SCYL1: variants seen among roughly 807,000 people sequenced by gnomAD.
SCYL1 encodes the protein N-terminal kinase-like protein.
In SCYL1, 85 loss-of-function variants were observed where a neutral mutation model predicts 94.8. That is an observed-to-expected ratio of 0.90 (90% CI 0.75 to 1.07). The LOEUF (loss-of-function observed/expected upper bound fraction) is 1.07. Ranked by LOEUF, SCYL1 falls within the 50% of genes least tolerant of loss-of-function variation. The probability of loss-of-function intolerance (pLI) is 0.00; values close to 1 mark genes in which losing one functional copy is unlikely to be tolerated. For synonymous variants in SCYL1, 459 were observed against 435.5 expected (o/e 1.05, Z -0.67); for missense variants, 968 against 1,083.3 (o/e 0.89, Z 1.49).
chr11:65,536,382 C>T, intron 12 of SCYL1, 48 bp downstream of exon 12: 1 of 1,589,510 alleles, frequency 6.3e-7, no homozygotes, highest in Non-Finnish European at 8.6e-7. Context: ...ATGTCCTTGA[C>T]TGTGACCTGT....
chr11:65,533,049 C>T, intron 9 of SCYL1: 1 of 502,908 alleles, frequency 2.0e-6, no homozygotes, highest in South Asian at 2.1e-5. Flanking sequence ...GCATGAGGTG[C>T]CCAGCCCCCT....
chr11:65,530,067 G>T (rs1450722700), intron 6 of SCYL1, among the ~76,000 whole-genome samples: 2 of 152,164 alleles, frequency 1.3e-5, no homozygotes, highest in African/African-American at 4.8e-5. Flanking sequence ...GAGCTTACAG[G>T]CTGGTCCATT....
chr11:65,525,316 C>T, intron 1 of SCYL1, 52 bp downstream of exon 1: 1 of 1,297,078 alleles, frequency 7.7e-7, no homozygotes. Context: ...CTTGCCTATT[C>T]CGCGCCGCCG....
rs1855052523 is a variant in SCYL1 at position 65,525,947 on chromosome 11, A to G, written c.279A>G (p.Thr93=). 5 of 1,613,626 alleles carry G rather than the reference A, an allele frequency of 3.1e-6. No homozygotes were observed. Among genetic ancestry groups the G allele is most frequent in the East Asian group, 2.2e-5 (1 of 44,886 alleles). The change falls in exon 3 of 18, where the codon ACA becomes ACG. Residue 93 remains threonine (T), a synonymous_variant. Coordinates refer to ENST00000270176, the MANE Select transcript of SCYL1 (RefSeq NM_020680.4). The stretch of plus-strand genomic sequence containing the variant: ...CAGAAAAATGCCTCCACGTCGTGAC[A>G]GAGGCTGTGACCCCGTTGGGAATAT... ...LETEKCLHVV[T]EAVTPLGIYL... is the part of the protein sequence containing the mutation.
Position 65,532,560 on chromosome 11 carries a change from T to TGGTGGCTCAG in SCYL1, c.1117-130_1117-121dup. 5.7e-6 allele frequency: 4 copies of TGGTGGCTCAG among 705,700 alleles called. No homozygotes were observed. In the South Asian group the frequency reaches 6.8e-5, roughly 12 times the overall value. The allele number at this position is 705,700 out of a possible 1,614,324, so 43.7% of individuals were successfully genotyped here. On this transcript the variant is annotated intron_variant, in intron 8 of 17. Transcript: ENST00000270176. ...CTGGGCCTGAGGCCAAACACCTGGG[T>TGGTGGCTCAG]GGTGGCTCAGGAGGTTGACCTGGCT...
Position 65,537,010 on chromosome 11 carries a change from C to G in SCYL1, c.1841C>G (p.Pro614Arg). 5.0e-6 allele frequency: 8 copies of G among 1,612,878 alleles called. No individual in the cohort carries two copies. Among genetic ancestry groups the G allele is most frequent in the Non-Finnish European group, 6.8e-6 (8 of 1,179,196 alleles). ...GGAGTTCCTGCCCCAGCCCCCACCC[C>G]TGTTCCTGCCACCCCTACAACCTCA... ...PEGVPAPAPT[P>R]VPATPTTSGH... Residue 614 changes from proline (P) to arginine (R), a missense_variant, in exon 14 of 18, where the codon CCT becomes CGT. By Grantham distance (103) the Pro-to-Arg change is moderately radical (BLOSUM62 -2). Around this residue, in one of 2 missense-constraint regions of SCYL1, gnomAD observed 474 missense variants for 463.6 expected, o/e 1.02. Transcript: ENST00000270176.
rs187422245 is a variant in SCYL1, at chr11:65,535,555, C to T, written c.1386+173C>T. On this transcript the variant is annotated intron_variant, in intron 10 of 17. Coordinates refer to ENST00000270176, the MANE Select transcript of SCYL1 (RefSeq NM_020680.4). The stretch of plus-strand genomic sequence containing the variant: ...GAGGAGTGAGTTGGCCGAAGTCACA[C>T]AGTCAGGAGGGATCTGGGATCTGAA... The T allele has an allele frequency of 3.1e-4, 232 of 753,850 alleles. 1 individual carries two copies. The African/African-American group carries it at 3.6e-3, about 12-fold the overall frequency. The allele number at this position is 753,850 out of a possible 1,614,324, so 46.7% of individuals were successfully genotyped here.
chr11:65,537,739 A>C, intron 14 of SCYL1, 70 bp from the exon 15 acceptor site: 2 of 1,350,924 alleles, frequency 1.5e-6, no homozygotes, highest in Non-Finnish European at 1.0e-6. Flanking sequence ...CGTGGCTGGG[A>C]TGATGCTGGG....
At position 65,535,944 on chromosome 11, in the gene SCYL1, C is replaced by G. The variant is rs1368485826; in HGVS notation, c.1387-9C>G. 6.4e-7 allele frequency: 1 copy of G among 1,564,988 alleles called. No individual in the cohort carries two copies. The highest frequency in any genetic ancestry group is 2.3e-5 in the East Asian group (1 of 44,438). ...ACACTCAGGAGCCCTCTTTCCTGCC[C>G]CATCGTAGACCAGACACAGGGTCCT... On this transcript the variant is annotated splice_polypyrimidine_tract_variant and intron_variant, in intron 10 of 17. Coordinates refer to ENST00000270176, the MANE Select transcript of SCYL1 (RefSeq NM_020680.4).
chr11:65,536,662 G>C lies in SCYL1; in HGVS notation c.1728G>C (p.Gly576=). 3 of 1,614,032 alleles carry C rather than the reference G, an allele frequency of 1.9e-6. No individual in the cohort carries two copies. The highest frequency in any genetic ancestry group is 2.5e-6 in the Non-Finnish European group (3 of 1,179,950). The change falls in exon 13 of 18, where the codon GGG becomes GGC. Residue 576 remains glycine (G), a synonymous_variant. Transcript: ENST00000270176. ...GCTGGGCAGGCTGGGCCGTGACCGG[G>C]GTCTCCTCACTCACCTCCAAGCTGA... The part of the protein sequence containing the change: ...AASWAGWAVT[G]VSSLTSKLIR...
intron 7 of SCYL1, 69 bp downstream of exon 7, chr11:65,530,856 G>GT: frequency 6.5e-7 from 1 of 1,527,920 alleles, no homozygotes; most frequent in Non-Finnish European, 8.8e-7. Context: ...AGGCCCTGGG[G>GT]TAGGGCAGGC....
At position 65,536,070 on chromosome 11, in the gene SCYL1, G is replaced by A. The variant is rs1263027441; in HGVS notation, c.1504G>A (p.Asp502Asn). 1.9e-6 allele frequency: 3 copies of A among 1,614,192 alleles called. No homozygotes were observed. The highest frequency in any genetic ancestry group is 2.2e-5 in the South Asian group (2 of 91,074). The change falls in exon 11 of 18, where the codon GAC becomes AAC. Residue 502 changes from aspartate to asparagine, a missense_variant. This residue lies in a region of SCYL1 where 474 missense variants were observed against 463.6 expected (regional missense o/e 1.02). Coordinates refer to ENST00000270176, the MANE Select transcript of SCYL1 (RefSeq NM_020680.4). ...CACCCACAACCTCTACTCAATGAAC[G>A]ACTGTGCCCAGAAGATCCTGCCTGT... is the stretch of plus-strand genomic sequence containing the variant. ...AATHNLYSMN[D>N]CAQKILPVLC...
At chr11:65,525,300 C>A in intron 1 of SCYL1, 36 bp downstream of exon 1, 1 of 1,356,352 alleles carries the variant, frequency 7.4e-7, no homozygotes. Context: ...CGCGGTCGAC[C>A]TGGGCCTTGC....
chr11:65,527,046 A>G lies in SCYL1; in HGVS notation c.778A>G (p.Asn260Asp). Residue 260 changes from asparagine (N) to aspartate (D), a missense_variant, in exon 6 of 18, where the codon AAC (asparagine) becomes GAC (aspartate). By Grantham distance (23) the Asn-to-Asp change is conservative (BLOSUM62 1). This residue lies in a region of SCYL1 where 494 missense variants were observed against 619.7 expected (regional missense o/e 0.80). Transcript: ENST00000270176. ...TCCCAACCCAGCCCGCTTCCTGCAG[A>G]ACTGCCGGGCACCTGGTGGCTTCAT... ...VRPNPARFLQNCRAPGGFMSN... is the reference protein window; with the variant it reads ...VRPNPARFLQDCRAPGGFMSN... 1 of 1,613,604 alleles carries G rather than the reference A, an allele frequency of 6.2e-7. No homozygotes were observed. The highest frequency in any genetic ancestry group is 2.2e-5 in the East Asian group (1 of 44,884).
rs1451593602 is a variant in SCYL1 at position 65,536,966 on chromosome 11, A to C, written c.1817-20A>C. On this transcript the variant is annotated intron_variant, in intron 13 of 17. Transcript: ENST00000270176. ...TGTCCCAAGACCCCCCTGAAAGCTC[A>C]GTGAGCCTCTGCTCCCCAGGAGTTC... The C allele has an allele frequency of 6.2e-7, 1 of 1,600,196 alleles. No individual in the cohort carries two copies. The highest frequency in any genetic ancestry group is 2.2e-5 in the East Asian group (1 of 44,662).
At chr11:65,531,752 G>C in intron 8 of SCYL1, 69 bp downstream of exon 8, 1 of 1,174,270 alleles carries the variant, frequency 8.5e-7, no homozygotes, top group Non-Finnish European at 1.3e-6. Flanking sequence ...GGAGGCACCT[G>C]CCCTGGCTGC....
intron 10 of SCYL1, chr11:65,535,596 C>T: frequency 1.5e-6 from 1 of 660,816 alleles, no homozygotes; most frequent in Admixed American, 3.0e-5. Context: ...GCGTGCTTGG[C>T]CCCATGGCCT....
chr11:65,531,731 C>T lies in SCYL1; in HGVS notation c.1116+48C>T, dbSNP rs935242058. 2.1e-6 allele frequency: 3 copies of T among 1,441,366 alleles called. No individual in the cohort carries two copies. In the East Asian group the frequency reaches 6.8e-5, roughly 33 times the overall value. The allele number at this position is 1,441,366 out of a possible 1,614,324, so 89.3% of individuals were successfully genotyped here. A position where few individuals can be genotyped will look rare whatever the true frequency, so the allele number is the denominator to read the frequency against. On this transcript the variant is annotated intron_variant, in intron 8 of 17. Transcript: ENST00000270176. ...TGTGGTGGTCCACCCAGACCCCAACCTGGTGGCTGGGGAGGCACCTGCCCT... is the reference window on the plus strand; with the variant it reads ...TGTGGTGGTCCACCCAGACCCCAACTTGGTGGCTGGGGAGGCACCTGCCCT...
Position 65,529,553 on chromosome 11 carries a change from G to A in SCYL1, c.850-1076G>A, listed in dbSNP as rs530431959. ...AACCATGTGATCAGAGCACCAAGCC[G>A]GCCTCCCACGCTGGTCTGAGCTGCT... is the stretch of plus-strand genomic sequence containing the variant. On this transcript the variant is annotated intron_variant, in intron 6 of 17. Transcript: ENST00000270176. 3.9e-4 allele frequency among the ~76,000 whole-genome samples: 59 copies of A among 152,298 alleles called. No homozygotes were observed. The South Asian group carries it at 4.3e-3, about 11-fold the overall frequency.
Sources: allele counts gnomAD v4.1 joint callset (sites outside exome capture counted in the v4.1 genomes callset), GRCh38; gene constraint gnomAD v4.1.1; regional missense constraint gnomAD v4.1.1; transcripts MANE v1.5; gene names NCBI Gene and HGNC (gene_info 2026-07-23, HGNC 2026-07-21).